PPP3CA: variants seen among roughly 807,000 people sequenced by gnomAD.
PPP3CA encodes the protein CAM-PRP catalytic subunit.
Under a neutral mutation model 66.5 loss-of-function variants are expected in PPP3CA, and 14 were observed. The ratio of observed to expected loss-of-function variants is 0.21; its 90% CI spans 0.14 to 0.33. PPP3CA has a LOEUF of 0.33. PPP3CA is among the 10% of genes least tolerant of loss of function. The pLI is 1.00. For synonymous variants in PPP3CA, 232 were observed against 226.2 expected (o/e 1.03, Z -0.23); for missense variants, 317 against 639.5 (o/e 0.50, Z 5.44).
chr4:101,149,221 T>G (rs983189291), intron 2 of PPP3CA, among the ~76,000 whole-genome samples: 2 of 152,162 alleles, frequency 1.3e-5, no homozygotes, highest in Non-Finnish European at 2.9e-5. Flanking sequence ...TTTCTTCACA[T>G]GCATTGCAAC....
At chr4:101,178,325 A>G (rs554496569) in intron 2 of PPP3CA, among the ~76,000 whole-genome samples, 3 of 152,278 alleles carry the variant, frequency 2.0e-5, no homozygotes, top group African/African-American at 7.2e-5. Flanking sequence ...GCAAATATTC[A>G]GATTTTATTT....
intron 1 of PPP3CA, among the ~76,000 whole-genome samples, chr4:101,318,305 T>G (rs1199139450): frequency 6.6e-6 from 1 of 152,202 alleles, no homozygotes; most frequent in Non-Finnish European, 1.5e-5. Context: ...CATAGCATAC[T>G]TAAAAGGAAC....
chr4:101,176,246 T>C (rs2850981), intron 2 of PPP3CA, among the ~76,000 whole-genome samples: 23,315 of 152,148 alleles, frequency 0.15, 2,313 homozygotes, highest in East Asian at 0.29. Flanking sequence ...AAAACTCATG[T>C]CTATTGCTGA....
At chr4:101,151,558 C>CAAAAAAAAAAAAA (rs139727679) in intron 2 of PPP3CA, among the ~76,000 whole-genome samples, 1 of 74,334 alleles carries the variant, frequency 1.3e-5, no homozygotes. Context: ...GACTCTGTAT[C>CAAAAAAAAAAAAA]AAAAAAAAAA....
At chr4:101,275,861 G>GTT (rs35746779) in intron 1 of PPP3CA, among the ~76,000 whole-genome samples, 54 of 144,668 alleles carry the variant, frequency 3.7e-4, no homozygotes, top group African/African-American at 1.4e-3. Context: ...TGTATGTGTG[G>GTT]TTTTTTTTTT....
intron 1 of PPP3CA, 83 bp downstream of exon 1, chr4:101,346,656 A>AG: frequency 8.9e-7 from 1 of 1,120,924 alleles, no homozygotes; most frequent in South Asian, 1.3e-5. Context: ...GGGGCGGGGG[A>AG]GGGGAGGAAA....
At chr4:101,074,117 C>G (rs569505542) in intron 8 of PPP3CA, among the ~76,000 whole-genome samples, 1 of 152,172 alleles carries the variant, frequency 6.6e-6, no homozygotes, top group Admixed American at 6.5e-5. Flanking sequence ...AAAGTCAATA[C>G]TAAAAGTTAT....
At chr4:101,216,967 G>A (rs750835074) in intron 1 of PPP3CA, among the ~76,000 whole-genome samples, 4 of 152,156 alleles carry the variant, frequency 2.6e-5, no homozygotes, top group Non-Finnish European at 4.4e-5. Flanking sequence ...CTAAAGTCAC[G>A]TTCAAATATG....
At chr4:101,204,635 CAAAAAAA>C (rs55925064) in intron 1 of PPP3CA, among the ~76,000 whole-genome samples, 62 of 107,774 alleles carry the variant, frequency 5.8e-4, no homozygotes, top group South Asian at 8.7e-4. Flanking sequence ...GACTCCATCT[CAAAAAAA>C]AAAAAAAAAA....
At chr4:101,246,421 A>G (rs1726481755) in intron 1 of PPP3CA, among the ~76,000 whole-genome samples, 1 of 152,204 alleles carries the variant, frequency 6.6e-6, no homozygotes, top group Admixed American at 6.5e-5. Flanking sequence ...TTTGAAAACA[A>G]AACTTTAGGC....
rs575452195 is a variant in PPP3CA, at chr4:101,241,417, C to T, written c.59-45301G>A. Among the ~76,000 whole-genome samples the T allele has an allele frequency of 2.5e-4, 38 of 152,064 alleles. No homozygotes were observed. The Middle Eastern group carries it at 0.02, about 82-fold the overall frequency. On this transcript the variant is annotated intron_variant, in intron 1 of 13. Transcript: ENST00000394854. Reference sequence around the variant, plus strand: ...CAAATTACAGGTGATATTAATGTTGCTAACTCTAACGAAAAAAGAAAGCGC... The same window carrying T: ...CAAATTACAGGTGATATTAATGTTGTTAACTCTAACGAAAAAAGAAAGCGC...
chr4:101,175,538 T>C lies in PPP3CA; in HGVS notation c.259+20378A>G, dbSNP rs544632742. The stretch of plus-strand genomic sequence containing the variant: ...TTAATGTTTCTTCCAGCTGCAATGC[T>C]GTATTATAACTCTATTAGAATGTTG... On this transcript the variant is annotated intron_variant, in intron 2 of 13. Transcript: ENST00000394854. 3.3e-5 allele frequency among the ~76,000 whole-genome samples: 5 copies of C among 152,318 alleles called. No homozygotes were observed. The South Asian group carries it at 1.0e-3, about 32-fold the overall frequency.
At chr4:101,312,323 G>A (rs1424996187) in intron 1 of PPP3CA, among the ~76,000 whole-genome samples, 1 of 151,806 alleles carries the variant, frequency 6.6e-6, no homozygotes, top group Non-Finnish European at 1.5e-5. Context: ...TCATCATAAA[G>A]TCAAAAGACT....
At chr4:101,081,829 C>T (rs945884389) in intron 7 of PPP3CA, among the ~76,000 whole-genome samples, 17 of 152,298 alleles carry the variant, frequency 1.1e-4, no homozygotes, top group Middle Eastern at 3.4e-3. Context: ...GATTATGGAA[C>T]TGAGCTTCGT....
At chr4:101,110,536 T>TA (rs113725432) in intron 2 of PPP3CA, among the ~76,000 whole-genome samples, 30,452 of 152,136 alleles carry the variant, frequency 0.2, 4,400 homozygotes, top group African/African-American at 0.4. Context: ...CAAGGATCTT[T>TA]ACTACTAATG....
In PPP3CA at chr4:101,129,552, C is replaced by A. The variant is rs558894347; in HGVS notation, c.260-20474G>T. On this transcript the variant is annotated intron_variant, in intron 2 of 13. Coordinates refer to ENST00000394854, the MANE Select transcript of PPP3CA (RefSeq NM_000944.5). ...GGGACAAAGCTTCTAGAGGAAGGAA[C>A]AAGCAGCAATCTGTTGTTCTGCAGC... Among the ~76,000 whole-genome samples the A allele has an allele frequency of 3.3e-5, 5 of 152,278 alleles. No individual in the cohort carries two copies. In the South Asian group the frequency reaches 8.3e-4, roughly 25 times the overall value.
At chr4:101,167,147 G>C (rs1250077919) in intron 2 of PPP3CA, among the ~76,000 whole-genome samples, 1 of 152,174 alleles carries the variant, frequency 6.6e-6, no homozygotes. Flanking sequence ...ATTTCTGTAA[G>C]AGAAATAACT....
intron 1 of PPP3CA, among the ~76,000 whole-genome samples, chr4:101,311,970 T>C (rs1728736414): frequency 6.6e-6 from 1 of 152,172 alleles, no homozygotes; most frequent in Non-Finnish European, 1.5e-5. Context: ...CTCTCTAATA[T>C]CTACTACTTT....
intron 1 of PPP3CA, among the ~76,000 whole-genome samples, chr4:101,220,184 T>G (rs1283316123): frequency 6.6e-6 from 1 of 151,802 alleles, no homozygotes; most frequent in Non-Finnish European, 1.5e-5. Flanking sequence ...GTGGCCTACT[T>G]TTTATAAAAG....
Sources: allele counts gnomAD v4.1 joint callset (sites outside exome capture counted in the v4.1 genomes callset), GRCh38; gene constraint gnomAD v4.1.1; transcripts MANE v1.5; gene names NCBI Gene and HGNC (gene_info 2026-07-23, HGNC 2026-07-21).